SH3GL2: variants seen among roughly 807,000 people sequenced by gnomAD.
The protein encoded by SH3GL2 is endophilin-A1.
In SH3GL2, 24 loss-of-function variants were observed where a neutral mutation model predicts 46.0. The observed-to-expected ratio is 0.52, with a 90% CI of 0.38 to 0.73. SH3GL2 has a LOEUF of 0.73. Ranked by LOEUF, SH3GL2 falls within the 30% of genes least tolerant of loss-of-function variation. SH3GL2 has a pLI of 0.00. For missense variants in SH3GL2, 413 were observed against 424.2 expected (o/e 0.97, Z 0.23); for synonymous variants, 196 against 147.1 (o/e 1.33, Z -2.40).
intron 1 of SH3GL2, among the ~76,000 whole-genome samples, chr9:17,614,295 G>GAAAAAAAAAAAAAAAAAAAAAAAAAA: frequency 1.4e-5 from 1 of 70,302 alleles, no homozygotes; most frequent in Non-Finnish European, 2.5e-5. Flanking sequence ...CATGGTTTCT[G>GAAAAAAAAAAAAAAAAAAAAAAAAAA]AAAAAAAAAA....
Position 17,668,083 on chromosome 9 carries a change from G to C in SH3GL2, c.46-78983G>C, listed in dbSNP as rs530389783. On this transcript the variant is annotated intron_variant, in intron 1 of 8. Coordinates refer to ENST00000380607, the MANE Select transcript of SH3GL2 (RefSeq NM_003026.5). ...GCAAATATTTTCTCCCATTCTATGGGTTGTCTTTTCATGTTCTTGATGATG... is the reference window on the plus strand; with the variant it reads ...GCAAATATTTTCTCCCATTCTATGGCTTGTCTTTTCATGTTCTTGATGATG... Among the ~76,000 whole-genome samples, 209 of 152,288 alleles carry C rather than the reference G, an allele frequency of 1.4e-3. 2 individuals are homozygous for C. The South Asian group carries it at 0.024, about 18-fold the overall frequency.
At chr9:17,627,573 T>C (rs1342082469) in intron 1 of SH3GL2, among the ~76,000 whole-genome samples, 5 of 152,226 alleles carry the variant, frequency 3.3e-5, no homozygotes, top group Non-Finnish European at 7.3e-5. Flanking sequence ...AATGTCACAT[T>C]GGCATGAAAA....
chr9:17,734,780 G>C (rs1386121572), intron 1 of SH3GL2, among the ~76,000 whole-genome samples: 1 of 152,058 alleles, frequency 6.6e-6, no homozygotes, highest in East Asian at 1.9e-4. Context: ...TATATGTGTG[G>C]TTACCAAGGT....
intron 1 of SH3GL2, among the ~76,000 whole-genome samples, chr9:17,639,088 A>G (rs1002079110): frequency 2.0e-5 from 3 of 152,234 alleles, no homozygotes; most frequent in Admixed American, 6.5e-5. Flanking sequence ...GAATGAATGT[A>G]TGAATTCTAA....
intron 1 of SH3GL2, among the ~76,000 whole-genome samples, chr9:17,581,335 A>T (rs947846525): frequency 4.6e-5 from 7 of 152,228 alleles, no homozygotes; most frequent in African/African-American, 1.7e-4. Flanking sequence ...GTTAATGTTT[A>T]TCACACCGAA....
intron 1 of SH3GL2, among the ~76,000 whole-genome samples, chr9:17,634,273 G>C (rs1368257773): frequency 6.6e-6 from 1 of 152,126 alleles, no homozygotes; most frequent in Admixed American, 6.5e-5. Flanking sequence ...ACATCTTCTT[G>C]GGTAGTTACA....
chr9:17,790,096 A>C (rs898926937), intron 6 of SH3GL2, among the ~76,000 whole-genome samples: 1 of 152,190 alleles, frequency 6.6e-6, no homozygotes, highest in Non-Finnish European at 1.5e-5. Flanking sequence ...TCCAAAGGCC[A>C]GAAAGCCTAG....
intron 2 of SH3GL2, among the ~76,000 whole-genome samples, chr9:17,749,902 A>C (rs1352426760): frequency 1.3e-5 from 2 of 152,218 alleles, no homozygotes; most frequent in African/African-American, 4.8e-5. Context: ...TTTTATTTCA[A>C]AATATAGATA....
chr9:17,698,889 G>T (rs1271210594), intron 1 of SH3GL2, among the ~76,000 whole-genome samples: 2 of 152,106 alleles, frequency 1.3e-5, no homozygotes, highest in Non-Finnish European at 2.9e-5. Context: ...AGGCGCGATG[G>T]CTCATGCCTG....
intron 7 of SH3GL2, among the ~76,000 whole-genome samples, 160 bp from the exon 8 acceptor site, chr9:17,793,207 A>G (rs1207907545): frequency 1.3e-5 from 2 of 152,248 alleles, no homozygotes; most frequent in Non-Finnish European, 2.9e-5. Context: ...AATCTCAGAC[A>G]TATACATACA....
At chr9:17,786,281 G>A in intron 3 of SH3GL2, 100 bp from the exon 4 acceptor site, 1 of 1,096,436 alleles carries the variant, frequency 9.1e-7, no homozygotes, top group South Asian at 1.6e-5. Context: ...CAGTAGCTGA[G>A]CTACTTTGTA....
At chr9:17,684,701 G>A (rs1820860288) in intron 1 of SH3GL2, among the ~76,000 whole-genome samples, 1 of 151,996 alleles carries the variant, frequency 6.6e-6, no homozygotes, top group African/African-American at 2.4e-5. Context: ...AAATTTCAAA[G>A]TCAACCAGAG....
In SH3GL2 at chr9:17,766,187, T is replaced by C. The variant is rs540393172; in HGVS notation, c.187+4678T>C. On this transcript the variant is annotated intron_variant, in intron 3 of 8. Coordinates refer to ENST00000380607, the MANE Select transcript of SH3GL2 (RefSeq NM_003026.5). The stretch of plus-strand genomic sequence containing the variant: ...TTCACAGCTAATTCCTCCTGGAAAA[T>C]CCAGCTAACTGATGAGATGTGGAAG... Among the ~76,000 whole-genome samples, 23 of 152,256 alleles carry C rather than the reference T, an allele frequency of 1.5e-4. No homozygotes were observed. In the South Asian group the frequency reaches 4.6e-3, roughly 30 times the overall value.
At chr9:17,629,044 A>T (rs975142708) in intron 1 of SH3GL2, among the ~76,000 whole-genome samples, 5 of 151,418 alleles carry the variant, frequency 3.3e-5, no homozygotes, top group African/African-American at 1.2e-4. Context: ...AGAGTTCAAG[A>T]TGTGGCCTTT....
intron 1 of SH3GL2, among the ~76,000 whole-genome samples, chr9:17,712,948 C>T (rs911481991): frequency 7.4e-5 from 11 of 148,658 alleles, no homozygotes; most frequent in African/African-American, 1.5e-4. Flanking sequence ...ACATTCTTGC[C>T]GTGTTCCTGA....
chr9:17,773,754 T>G (rs1168463795), intron 3 of SH3GL2, among the ~76,000 whole-genome samples: 7 of 152,138 alleles, frequency 4.6e-5, no homozygotes, highest in Non-Finnish European at 1.0e-4. Flanking sequence ...TAGCTTTGTT[T>G]TTTTAAGATT....
rs574979623 is a variant in SH3GL2 at position 17,687,503 on chromosome 9, A to G, written c.46-59563A>G. ...ATACAAACTTTTTTAAGTGCAGCAAAAAAAATTTCAATTGTAAATACAATT... is the reference window on the plus strand; with the variant it reads ...ATACAAACTTTTTTAAGTGCAGCAAGAAAAATTTCAATTGTAAATACAATT... On this transcript the variant is annotated intron_variant, in intron 1 of 8. Transcript: ENST00000380607. 3.2e-3 allele frequency among the ~76,000 whole-genome samples: 470 copies of G among 148,764 alleles called. 4 individuals are homozygous for G. Among genetic ancestry groups the G allele is most frequent in the Admixed American group, 5.0e-3 (75 of 15,104 alleles).
chr9:17,747,961 A>G (rs1452103763), intron 2 of SH3GL2, among the ~76,000 whole-genome samples: 1 of 152,168 alleles, frequency 6.6e-6, no homozygotes, highest in Admixed American at 6.5e-5. Context: ...GGCATGAACC[A>G]CTGCACCCAG....
chr9:17,657,054 A>T (rs1820101729), intron 1 of SH3GL2, among the ~76,000 whole-genome samples: 1 of 152,196 alleles, frequency 6.6e-6, no homozygotes, highest in Non-Finnish European at 1.5e-5. Flanking sequence ...CCCGTGAAAT[A>T]TGCTGTTCCT....
Sources: gnomAD v4.1 joint callset for allele counts (sites outside exome capture counted in the v4.1 genomes callset) on GRCh38, gnomAD v4.1.1 for gene constraint, MANE v1.5 for transcripts, NCBI Gene and HGNC (gene_info 2026-07-23, HGNC 2026-07-21) for gene names.